ZDHHC2: variants seen among roughly 807,000 people sequenced by gnomAD.
ZDHHC2 encodes zDHHC palmitoyltransferase 2.
ZDHHC2 carries 51 observed loss-of-function variants against 55.6 expected under a neutral mutation model. That is an observed-to-expected ratio of 0.92 (90% confidence interval 0.73 to 1.16). The LOEUF is 1.16. Among genes scored for constraint, ZDHHC2 ranks in the 50% most tolerant of loss-of-function variants. ZDHHC2 has a pLI of 0.00. For missense variants in ZDHHC2, 491 were observed against 442.4 expected, an observed-to-expected ratio of 1.11 and a Z score of -0.99; for synonymous variants, 199 against 152.9, an observed-to-expected ratio of 1.30 and a Z score of -2.22.
chr8:17,202,786 C>G (rs1053368729), intron 6 of ZDHHC2, among the ~76,000 whole-genome samples: 1 of 151,608 alleles, frequency 6.6e-6, no homozygotes, highest in Admixed American at 6.6e-5. Context: ...CACACACATA[C>G]TCTATGTATA....
chr8:17,186,545 T>TA (rs1054440585), intron 3 of ZDHHC2, 120 bp downstream of exon 3: 1 of 570,398 alleles, frequency 1.8e-6, no homozygotes, highest in South Asian at 3.2e-5. Context: ...CTTTTTAGAT[T>TA]AAAAAAATTA....
chr8:17,199,508 C>CG (rs1301527878), intron 6 of ZDHHC2, among the ~76,000 whole-genome samples: 565 of 34,996 alleles, frequency 0.016, 49 homozygotes, highest in Middle Eastern at 0.057. Context: ...TCTTCTTCTT[C>CG]TTCTTCGTCT....
intron 1 of ZDHHC2, among the ~76,000 whole-genome samples, chr8:17,168,770 T>C (rs1313397886): frequency 6.6e-6 from 1 of 152,196 alleles, no homozygotes; most frequent in Non-Finnish European, 1.5e-5. Flanking sequence ...TCTAGTTTAT[T>C]TCACTTATGT....
chr8:17,193,349 G>A (rs181327500), intron 3 of ZDHHC2, among the ~76,000 whole-genome samples: 8 of 152,286 alleles, frequency 5.3e-5, no homozygotes, highest in African/African-American at 1.4e-4. Flanking sequence ...ACCAGGCAGC[G>A]ACTCTTGTTC....
intron 12 of ZDHHC2, among the ~76,000 whole-genome samples, chr8:17,218,097 C>G (rs1249963472): frequency 3.9e-5 from 6 of 152,110 alleles, no homozygotes; most frequent in Admixed American, 3.9e-4. Context: ...GTATTGTCAG[C>G]AAAATGCTGA....
intron 1 of ZDHHC2, among the ~76,000 whole-genome samples, chr8:17,177,514 C>G (rs1367868163): frequency 1.3e-5 from 2 of 152,328 alleles, no homozygotes; most frequent in East Asian, 3.9e-4. Flanking sequence ...GTTTTCATAA[C>G]TACATCCTTG....
At chr8:17,156,877 G>GC in intron 1 of ZDHHC2, 24 bp downstream of exon 1, 1 of 1,480,746 alleles carries the variant, frequency 6.8e-7, no homozygotes, top group Non-Finnish European at 9.0e-7. Flanking sequence ...CCGCCGCGGC[G>GC]CCCCCAGCGC....
chr8:17,167,355 A>T (rs1418310686), intron 1 of ZDHHC2, among the ~76,000 whole-genome samples: 1 of 141,052 alleles, frequency 7.1e-6, no homozygotes, highest in Non-Finnish European at 1.5e-5. Flanking sequence ...AGCCAGGCTG[A>T]AGTGCGATGG....
chr8:17,199,500 T>TTCG (rs1344279597), intron 6 of ZDHHC2, among the ~76,000 whole-genome samples: 12 of 109,782 alleles, frequency 1.1e-4, no homozygotes, highest in South Asian at 3.2e-4. Context: ...CTTCTTCTTC[T>TTCG]TCTTCTTCTT....
At chr8:17,167,291 CT>C (rs869296432) in intron 1 of ZDHHC2, among the ~76,000 whole-genome samples, 18 of 137,534 alleles carry the variant, frequency 1.3e-4, no homozygotes, top group Admixed American at 2.2e-4. Flanking sequence ...GCTGGTAATA[CT>C]TTTTTTTTTA....
chr8:17,193,807 T>C (rs1201377264), intron 3 of ZDHHC2, among the ~76,000 whole-genome samples: 1 of 152,194 alleles, frequency 6.6e-6, no homozygotes, highest in Non-Finnish European at 1.5e-5. Context: ...CTGGGGTACA[T>C]GTCCAGAACG....
chr8:17,185,199 G>A (rs1024001594), intron 2 of ZDHHC2, among the ~76,000 whole-genome samples: 1 of 152,048 alleles, frequency 6.6e-6, no homozygotes, highest in Non-Finnish European at 1.5e-5. Context: ...GATTCTATGA[G>A]TATCCTCATT....
At chr8:17,157,454 C>T (rs1804119514) in intron 1 of ZDHHC2, 2 of 152,238 alleles carry the variant, frequency 1.3e-5, no homozygotes, top group Non-Finnish European at 1.5e-5. Context: ...ACATGTGCAA[C>T]ACACTAAACC....
chr8:17,203,745 C>G (rs1296457402), intron 6 of ZDHHC2, among the ~76,000 whole-genome samples: 2 of 152,070 alleles, frequency 1.3e-5, no homozygotes, highest in African/African-American at 4.8e-5. Flanking sequence ...ACTGGAACCT[C>G]TAGAGATGCA....
At chr8:17,184,890 G>T in intron 2 of ZDHHC2, 75 bp downstream of exon 2, 1 of 1,319,164 alleles carries the variant, frequency 7.6e-7, no homozygotes. Context: ...AGATTTGGTT[G>T]GGATTAATAA....
chr8:17,197,424 A>G (rs1454232786), intron 4 of ZDHHC2, among the ~76,000 whole-genome samples, 158 bp from the exon 5 acceptor site: 1 of 152,126 alleles, frequency 6.6e-6, no homozygotes, highest in Non-Finnish European at 1.5e-5. Flanking sequence ...AAGTCATTCC[A>G]TTTTTGTATT....
intron 6 of ZDHHC2, 126 bp downstream of exon 6, chr8:17,198,539 A>G (rs1806444044): frequency 1.2e-6 from 1 of 840,316 alleles, no homozygotes; most frequent in Non-Finnish European, 1.7e-6. Flanking sequence ...GAACTTTTGG[A>G]TTTAGTTTCT....
intron 6 of ZDHHC2, among the ~76,000 whole-genome samples, chr8:17,200,899 C>T (rs1439675747): frequency 6.6e-6 from 1 of 152,122 alleles, no homozygotes; most frequent in Non-Finnish European, 1.5e-5. Flanking sequence ...TTCACTTCCC[C>T]ATCACTTCCC....
chr8:17,188,713 A>G (rs970383398), intron 3 of ZDHHC2, among the ~76,000 whole-genome samples: 1 of 152,162 alleles, frequency 6.6e-6, no homozygotes, highest in African/African-American at 2.4e-5. Context: ...AGATTAATAT[A>G]TTAGCCTGGT....
Sources: gnomAD v4.1 joint callset for allele counts (sites outside exome capture counted in the v4.1 genomes callset) on GRCh38, gnomAD v4.1.1 for gene constraint, MANE v1.5 for transcripts, NCBI Gene and HGNC (gene_info 2026-07-23, HGNC 2026-07-21) for gene names.